The following INPP5A variants were observed in gnomAD, a reference collection of about 807,000 sequenced individuals.
The protein encoded by INPP5A is 43 kDa inositol polyphosphate 5-phophatase.
INPP5A carries 14 observed loss-of-function variants against 65.2 expected under a neutral mutation model. That is an observed-to-expected ratio of 0.21 (90% CI 0.14 to 0.34). The LOEUF is 0.34. Ranked by LOEUF, INPP5A falls within the 10% of genes least tolerant of loss-of-function variation. The pLI is 1.00. For missense variants in INPP5A, 431 were observed against 545.6 expected (o/e 0.79, Z 2.09); for synonymous variants, 207 against 208.3 (o/e 0.99, Z 0.05).
At position 132,667,334 on chromosome 10, in the gene INPP5A, G is replaced by A. The variant is rs185523123; in HGVS notation, c.306+16829G>A. 3.9e-5 allele frequency among the ~76,000 whole-genome samples: 6 copies of A among 152,322 alleles called. No individual in the cohort carries two copies. The East Asian group carries it at 1.2e-3, about 29-fold the overall frequency. The stretch of plus-strand genomic sequence containing the variant: ...GAACAAATCAAATCAAGCCATTACT[G>A]TTGAAGCTCGTTCTGGAGTTAAGTG... On this transcript the variant is annotated intron_variant, in intron 4 of 15. Coordinates refer to ENST00000368594, the MANE Select transcript of INPP5A (RefSeq NM_005539.5).
intron 1 of INPP5A, among the ~76,000 whole-genome samples, chr10:132,553,488 A>G (rs1264465251): frequency 8.0e-6 from 1 of 125,556 alleles, no homozygotes; most frequent in Non-Finnish European, 1.6e-5. Context: ...GGGAGGGAGG[A>G]CTGGTGAACA....
At position 132,545,302 on chromosome 10, in the gene INPP5A, TTAGAGCCCCTCTGTCCAGGGGC is replaced by T. The variant is rs557727109; in HGVS notation, c.75+7137_75+7158del. On this transcript the variant is annotated intron_variant, in intron 1 of 15. Coordinates refer to ENST00000368594, the MANE Select transcript of INPP5A (RefSeq NM_005539.5). The surrounding 1 kb of genome is among the most constrained non-coding windows in gnomAD (Gnocchi z 4.6). ...CCTGCCCCACCGTGAAGCATCAAAT[TTAGAGCCCCTCTGTCCAGGGGC>T]TAGAGGGGCATTCGGAAGACTTTGA... Among the ~76,000 whole-genome samples, 11 of 152,080 alleles carry T rather than the reference TTAGAGCCCCTCTGTCCAGGGGC, an allele frequency of 7.2e-5. No homozygotes were observed. Among genetic ancestry groups the T allele is most frequent in the African/African-American group, 2.7e-4 (11 of 41,488 alleles).
chr10:132,609,622 T>C (rs563654912), intron 2 of INPP5A, among the ~76,000 whole-genome samples: 1 of 152,298 alleles, frequency 6.6e-6, no homozygotes, highest in Admixed American at 6.5e-5. Context: ...TTTTGAAAAC[T>C]GTCTGCTGCT....
intron 1 of INPP5A, among the ~76,000 whole-genome samples, chr10:132,542,601 C>G (rs1215960890): frequency 1.3e-5 from 2 of 152,220 alleles, no homozygotes; most frequent in Non-Finnish European, 2.9e-5. Context: ...GGGGTCTCCC[C>G]TCCATGTCCT....
rs1845374149 is a variant in INPP5A, at chr10:132,698,045, A to C, written c.474+126A>C. ...ACAGCTGCCTGTTGTTACCTCCGAT[A>C]ATCTGTCTTCCTGGGAGTCCAGGCT... On this transcript the variant is annotated intron_variant, in intron 6 of 15. Transcript: ENST00000368594. The surrounding 1 kb of genome is among the most constrained non-coding windows in gnomAD (Gnocchi z 5.5). The C allele has an allele frequency of 1.5e-6, 1 of 680,794 alleles. No homozygotes were observed. Among genetic ancestry groups the C allele is most frequent in the African/African-American group, 1.8e-5 (1 of 56,736 alleles). The allele number at this position is 680,794 out of a possible 1,614,324, so 42.2% of individuals were successfully genotyped here.
At chr10:132,712,572 C>G (rs935123019) in intron 8 of INPP5A, among the ~76,000 whole-genome samples, 7 of 145,516 alleles carry the variant, frequency 4.8e-5, no homozygotes, top group African/African-American at 1.8e-4. Flanking sequence ...ACTTGTGTGG[C>G]TGCATGTGAG....
intron 11 of INPP5A, among the ~76,000 whole-genome samples, chr10:132,756,203 G>A (rs918780707): frequency 1.4e-4 from 22 of 152,112 alleles, no homozygotes; most frequent in African/African-American, 4.3e-4. Flanking sequence ...ATGTGTGTGC[G>A]TGTACATGTG....
At chr10:132,624,705 CA>C (rs2072157270) in intron 2 of INPP5A, among the ~76,000 whole-genome samples, 2 of 152,236 alleles carry the variant, frequency 1.3e-5, no homozygotes, top group South Asian at 4.1e-4. Context: ...TGTTCAAACC[CA>C]AACCCCTCCT....
intron 7 of INPP5A, among the ~76,000 whole-genome samples, chr10:132,708,727 G>A (rs890101923): frequency 2.6e-5 from 4 of 152,244 alleles, no homozygotes; most frequent in Non-Finnish European, 5.9e-5. Context: ...CGGCGTAAGC[G>A]CTGCCTGGCA....
chr10:132,608,037 A>G lies in INPP5A; in HGVS notation c.117+81A>G, dbSNP rs1259906543. On this transcript the variant is annotated intron_variant, in intron 2 of 15. Transcript: ENST00000368594. ...TTTTTGCTTTGGCATTCCTCCATGG[A>G]GTCTGGTGTGTCTATGGGGAGCGCA... 4 of 1,311,200 alleles carry G rather than the reference A, an allele frequency of 3.1e-6. No individual in the cohort carries two copies. In the African/African-American group the frequency reaches 4.3e-5, roughly 14 times the overall value. 81.2% of individuals were successfully genotyped at this position (1,311,200 alleles called of 1,614,324 possible). A position where few individuals can be genotyped will look rare whatever the true frequency, so the allele number is the denominator to read the frequency against.
intron 6 of INPP5A, among the ~76,000 whole-genome samples, chr10:132,703,013 C>T (rs925104615): frequency 1.3e-5 from 2 of 151,082 alleles, no homozygotes; most frequent in African/African-American, 4.9e-5. Flanking sequence ...GGCTCCCTGC[C>T]GAGCCCACAC....
chr10:132,544,742 C>T (rs915833006), intron 1 of INPP5A, among the ~76,000 whole-genome samples: 6 of 152,298 alleles, frequency 3.9e-5, no homozygotes, highest in Non-Finnish European at 8.8e-5. Flanking sequence ...CTGCATGCCC[C>T]TCTCCCTCCG....
In INPP5A at chr10:132,646,381, T is replaced by G. The variant is rs1024534589; in HGVS notation, c.218+413T>G. Among the ~76,000 whole-genome samples the G allele has an allele frequency of 2.6e-5, 4 of 152,096 alleles. No homozygotes were observed. The East Asian group carries it at 7.7e-4, about 29-fold the overall frequency. ...CCTTGGGGGCGAAATCTCCATCGTT[T>G]AGGAGGAAGGTGCCCCACGTGTATT... On this transcript the variant is annotated intron_variant, in intron 3 of 15. Coordinates refer to ENST00000368594, the MANE Select transcript of INPP5A (RefSeq NM_005539.5).
rs2070862679 is a variant in INPP5A at position 132,538,064 on chromosome 10, C to T, written c.-33C>T. On this transcript the variant is annotated 5_prime_UTR_variant, in exon 1 of 16. Transcript: ENST00000368594. This position sits in a 1 kb window ranked among gnomAD's most constrained non-coding sequence, Gnocchi z 4.1. ...CGGAGGAAGCGGCCGCCGCCGCCGC[C>T]GCCCAGCCCAGCGCCCGCGCCGCCC... 3.7e-6 allele frequency: 4 copies of T among 1,074,844 alleles called. No homozygotes were observed. The highest frequency in any genetic ancestry group is 4.5e-6 in the Non-Finnish European group (4 of 884,834). The allele number at this position is 1,074,844 out of a possible 1,614,324, so 66.6% of individuals were successfully genotyped here. A position where few individuals can be genotyped will look rare whatever the true frequency, so the allele number is the denominator to read the frequency against.
At chr10:132,630,878 G>A (rs549268376) in intron 2 of INPP5A, among the ~76,000 whole-genome samples, 9 of 152,328 alleles carry the variant, frequency 5.9e-5, no homozygotes, top group East Asian at 1.9e-4. Context: ...GACTTTGTTC[G>A]GGTTAGAGCC....
In INPP5A at chr10:132,762,003, A is replaced by G. The variant is rs528581938; in HGVS notation, c.904-3770A>G. Among the ~76,000 whole-genome samples, 25 of 152,376 alleles carry G rather than the reference A, an allele frequency of 1.6e-4. No homozygotes were observed. The highest frequency in any genetic ancestry group is 6.0e-4 in the African/African-American group (25 of 41,590). ...GACTCATAGAAGTATTATCATTAAAATTAAAAGCTCCAGGGATGAATTAAG... is the reference window on the plus strand; with the variant it reads ...GACTCATAGAAGTATTATCATTAAAGTTAAAAGCTCCAGGGATGAATTAAG... On this transcript the variant is annotated intron_variant, in intron 11 of 15. Coordinates refer to ENST00000368594, the MANE Select transcript of INPP5A (RefSeq NM_005539.5). The surrounding 1 kb of genome is among the most constrained non-coding windows in gnomAD (Gnocchi z 4.6).
rs189414983 is a variant in INPP5A, at chr10:132,539,937, G to C, written c.75+1766G>C. On this transcript the variant is annotated intron_variant, in intron 1 of 15. Transcript: ENST00000368594. ...AGGTGCCCATGTATTATACTGACCTGCTGGGGAGGAACTGGTTTTCCTCAC... is the reference window on the plus strand; with the variant it reads ...AGGTGCCCATGTATTATACTGACCTCCTGGGGAGGAACTGGTTTTCCTCAC... Among the ~76,000 whole-genome samples the C allele has an allele frequency of 8.7e-4, 133 of 152,310 alleles. 1 individual carries two copies. The highest frequency in any genetic ancestry group is 2.7e-3 in the Admixed American group (41 of 15,310).
intron 1 of INPP5A, among the ~76,000 whole-genome samples, chr10:132,577,046 C>CT (rs2071418807): frequency 6.6e-6 from 1 of 152,220 alleles, no homozygotes; most frequent in South Asian, 2.1e-4. Flanking sequence ...CCAGAAAACT[C>CT]TGAGGGACCT....
chr10:132,603,959 TCCC>T lies in INPP5A; in HGVS notation c.76-3955_76-3953del, dbSNP rs2071807263. 6.8e-6 allele frequency among the ~76,000 whole-genome samples: 1 copy of T among 147,700 alleles called. No individual in the cohort carries two copies. The highest frequency in any genetic ancestry group is 2.5e-5 in the African/African-American group (1 of 39,392). ...CTGCGCCGTCAAGGTCCCCTCTCCGTCCCGCCCTGCGCCGTCAGGGTCCCCTCT... is the reference window on the plus strand; with the variant it reads ...CTGCGCCGTCAAGGTCCCCTCTCCGTGCCCTGCGCCGTCAGGGTCCCCTCT... On this transcript the variant is annotated intron_variant, in intron 1 of 15. Coordinates refer to ENST00000368594, the MANE Select transcript of INPP5A (RefSeq NM_005539.5). The surrounding 1 kb of genome is among the most constrained non-coding windows in gnomAD (Gnocchi z 4.2).
Sources: allele counts gnomAD v4.1 joint callset (sites outside exome capture counted in the v4.1 genomes callset), GRCh38; gene constraint gnomAD v4.1.1; non-coding constraint Gnocchi (gnomAD v3.1); transcripts MANE v1.5; gene names NCBI Gene and HGNC (gene_info 2026-07-23, HGNC 2026-07-21).